Variants in TBXAS1 observed in about 807,000 individuals in gnomAD.
The protein encoded by TBXAS1 is thromboxane A synthase 1, also known as thromboxane-A synthase.
TBXAS1 carries 48 observed loss-of-function variants against 60.7 expected under a neutral mutation model. The observed-to-expected ratio is 0.79, with a 90% CI of 0.63 to 1.01. The LOEUF (loss-of-function observed/expected upper bound fraction) is 1.01, where lower values mean the gene tolerates loss of function less well. Ranked by LOEUF, TBXAS1 falls within the 50% of genes least tolerant of loss-of-function variation. TBXAS1 has a pLI of 0.00. For synonymous variants in TBXAS1, 287 were observed against 269.7 expected (o/e 1.06, Z -0.63); for missense variants, 685 against 686.3 (o/e 1.00, Z 0.02).
At position 139,916,150 on chromosome 7, in the gene TBXAS1, T is replaced by A. The variant is rs1805949482; in HGVS notation, c.333+4829T>A. On this transcript the variant is annotated intron_variant, in intron 4 of 12. Transcript: ENST00000448866. This position sits in a 1 kb window ranked among gnomAD's most constrained non-coding sequence, Gnocchi z 4.2. ...ATGAAACCATAGGGCAGCTCTTTTT[T>A]AAATATCTGTGGAAAATGGAGCTGA... 6.6e-6 allele frequency among the ~76,000 whole-genome samples: 1 copy of A among 152,188 alleles called. No individual in the cohort carries two copies.
intron 9 of TBXAS1, among the ~76,000 whole-genome samples, chr7:139,979,282 A>C (rs1453721335): frequency 6.6e-6 from 1 of 152,172 alleles, no homozygotes; most frequent in Non-Finnish European, 1.5e-5. Flanking sequence ...CTAAATCCCT[A>C]ACGACATTAG....
At chr7:139,870,706 C>A (rs1239435366) in intron 1 of TBXAS1, among the ~76,000 whole-genome samples, 2 of 152,164 alleles carry the variant, frequency 1.3e-5, no homozygotes, top group Non-Finnish European at 2.9e-5. Context: ...ATTAATGGAG[C>A]CATACGGTGG....
chr7:139,847,540 A>G (rs1327511811), intron 1 of TBXAS1, among the ~76,000 whole-genome samples: 3 of 152,036 alleles, frequency 2.0e-5, no homozygotes, highest in Admixed American at 6.6e-5. Context: ...CAACCAACCA[A>G]CCAACCAATC....
intron 4 of TBXAS1, among the ~76,000 whole-genome samples, chr7:139,915,242 G>A (rs767930734): frequency 3.5e-4 from 53 of 152,154 alleles, no homozygotes; most frequent in Non-Finnish European, 5.9e-4. Flanking sequence ...ATTGGGTTCT[G>A]TGGTTCCCTC....
At chr7:139,902,907 G>A (rs1399052400) in intron 3 of TBXAS1, among the ~76,000 whole-genome samples, 1 of 152,102 alleles carries the variant, frequency 6.6e-6, no homozygotes, top group Non-Finnish European at 1.5e-5. Context: ...TATATCCTCT[G>A]TAGTGAAATG....
At chr7:139,876,061 T>C (rs1374986846) in intron 3 of TBXAS1, among the ~76,000 whole-genome samples, 1 of 152,192 alleles carries the variant, frequency 6.6e-6, no homozygotes, top group Non-Finnish European at 1.5e-5. Flanking sequence ...CTTCAGCCCA[T>C]GGGGAAAGTG....
chr7:139,808,345 CAA>C (rs1278033941), intron 4 of TBXAS1, among the ~76,000 whole-genome samples: 2 of 151,750 alleles, frequency 1.3e-5, no homozygotes, highest in Non-Finnish European at 2.9e-5. Flanking sequence ...CTCAAAAAAA[CAA>C]AAACAAAACC....
At chr7:139,858,219 C>T (rs1050675306) in intron 1 of TBXAS1, among the ~76,000 whole-genome samples, 1 of 152,218 alleles carries the variant, frequency 6.6e-6, no homozygotes, top group Non-Finnish European at 1.5e-5. Context: ...AGTGCCTTCA[C>T]CTGCTATGGT....
At chr7:139,926,197 T>C (rs1397065325) in intron 4 of TBXAS1, among the ~76,000 whole-genome samples, 1 of 152,166 alleles carries the variant, frequency 6.6e-6, no homozygotes, top group Admixed American at 6.5e-5. Context: ...TTCTCCTCTC[T>C]TTTTTGGAAT....
At chr7:139,905,025 T>TC in intron 3 of TBXAS1, among the ~76,000 whole-genome samples, 3 of 80,164 alleles carry the variant, frequency 3.7e-5, no homozygotes, top group African/African-American at 2.1e-4. Context: ...CTTTCTTTCT[T>TC]TCTTTCTTTC....
chr7:139,974,700 T>A (rs1284906117), intron 9 of TBXAS1, among the ~76,000 whole-genome samples: 1 of 152,210 alleles, frequency 6.6e-6, no homozygotes, highest in Non-Finnish European at 1.5e-5. Flanking sequence ...TACGTACATA[T>A]AGCTACTCTC....
intron 5 of TBXAS1, among the ~76,000 whole-genome samples, chr7:139,938,509 T>C (rs1265943412): frequency 6.6e-6 from 1 of 152,170 alleles, no homozygotes; most frequent in Non-Finnish European, 1.5e-5. Flanking sequence ...TGATCTCTGT[T>C]ATCTATTGAG....
chr7:140,016,948 T>TA (rs1237298788), intron 11 of TBXAS1: 3 of 152,618 alleles, frequency 2.0e-5, no homozygotes, highest in East Asian at 3.8e-4. Flanking sequence ...AGCCTCACAA[T>TA]AAAGCCCAGG....
At chr7:139,940,517 G>A (rs1808202541) in intron 5 of TBXAS1, among the ~76,000 whole-genome samples, 1 of 152,128 alleles carries the variant, frequency 6.6e-6, no homozygotes, top group Admixed American at 6.5e-5. Context: ...ATTCTGCTGA[G>A]AGCCAGCGTG....
At chr7:139,818,202 GGTGGCT>G (rs1301317281) in intron 4 of TBXAS1, among the ~76,000 whole-genome samples, 3 of 152,140 alleles carry the variant, frequency 2.0e-5, no homozygotes, top group Admixed American at 1.3e-4. Flanking sequence ...TTGAGGAGGT[GGTGGCT>G]ACTCTAAGTC....
intron 4 of TBXAS1, among the ~76,000 whole-genome samples, chr7:139,810,889 G>T (rs1200018445): frequency 6.6e-6 from 1 of 152,176 alleles, no homozygotes; most frequent in Non-Finnish European, 1.5e-5. Flanking sequence ...AATCATAACA[G>T]AGCTAAAACC....
intron 4 of TBXAS1, chr7:139,789,132 TA>T (rs1797294884): frequency 6.6e-6 from 1 of 152,242 alleles, no homozygotes; most frequent in Admixed American, 6.5e-5. Flanking sequence ...GCACCCCCAC[TA>T]GATATACATA....
intron 3 of TBXAS1, among the ~76,000 whole-genome samples, chr7:139,905,039 C>T (rs536108597): frequency 5.8e-5 from 5 of 86,506 alleles, no homozygotes; most frequent in Non-Finnish European, 4.4e-5. Context: ...TTCTTTCTTT[C>T]TTTCTTTCTT....
At chr7:139,857,416 A>T in intron 1 of TBXAS1, among the ~76,000 whole-genome samples, 1 of 151,890 alleles carries the variant, frequency 6.6e-6, no homozygotes, top group East Asian at 1.9e-4. Context: ...GATATATGTC[A>T]TTGGTTTTTC....
Sources: allele counts gnomAD v4.1 joint callset (sites outside exome capture counted in the v4.1 genomes callset), GRCh38; gene constraint gnomAD v4.1.1; non-coding constraint Gnocchi (gnomAD v3.1); transcripts MANE v1.5; gene names NCBI Gene and HGNC (gene_info 2026-07-23, HGNC 2026-07-21).